The following DPP10 variants were observed in gnomAD, a reference collection of about 807,000 sequenced individuals.
The protein encoded by DPP10 is inactive dipeptidyl peptidase 10.
A neutral mutation model predicts 120.9 loss-of-function variants in DPP10; 33 were observed. The ratio of observed to expected loss-of-function variants is 0.27; its 90% CI spans 0.21 to 0.37. The LOEUF is 0.37. DPP10 is among the 10% of genes least tolerant of loss of function. DPP10 has a pLI of 1.00. For synonymous variants in DPP10, 337 were observed against 326.1 expected, an observed-to-expected ratio of 1.03 and a Z score of -0.36; for missense variants, 816 against 942.8, an observed-to-expected ratio of 0.87 and a Z score of 1.76.
intron 1 of DPP10, among the ~76,000 whole-genome samples, chr2:114,662,465 G>A (rs2105558770): frequency 6.6e-6 from 1 of 152,264 alleles, no homozygotes; most frequent in Non-Finnish European, 1.5e-5. Flanking sequence ...GGACCTCGGC[G>A]TGAGACTTCG....
At chr2:115,118,747 TTGTGTGTGTGTG>T (rs59183186) in intron 1 of DPP10, among the ~76,000 whole-genome samples, 31,479 of 140,390 alleles carry the variant, frequency 0.22, 3,634 homozygotes, top group East Asian at 0.31. Context: ...ACACAGCTAA[TTGTGTGTGTGTG>T]TGTGTGTGTG....
At chr2:115,792,808 AT>A (rs1684132119) in intron 19 of DPP10, among the ~76,000 whole-genome samples, 1 of 152,230 alleles carries the variant, frequency 6.6e-6, no homozygotes, top group South Asian at 2.1e-4. Flanking sequence ...TCACTGAAAA[AT>A]AAACTTTCTC....
At chr2:114,978,003 T>C (rs148874245) in intron 1 of DPP10, among the ~76,000 whole-genome samples, 1 of 152,214 alleles carries the variant, frequency 6.6e-6, no homozygotes, top group Non-Finnish European at 1.5e-5. Context: ...TAATGCAAAA[T>C]CATCTGATCT....
intron 1 of DPP10, among the ~76,000 whole-genome samples, chr2:114,625,883 T>G (rs1694471137): frequency 6.6e-6 from 1 of 151,914 alleles, no homozygotes; most frequent in Admixed American, 6.6e-5. Flanking sequence ...TGGGTTTCCT[T>G]TTAGTGGAAA....
intron 19 of DPP10, among the ~76,000 whole-genome samples, chr2:115,800,229 T>C (rs1171982901): frequency 6.6e-6 from 1 of 151,882 alleles, no homozygotes; most frequent in Non-Finnish European, 1.5e-5. Flanking sequence ...TGCATAAATG[T>C]CTTTTTTTGA....
At chr2:114,642,741 C>A (rs1431157663) in intron 1 of DPP10, among the ~76,000 whole-genome samples, 1 of 151,896 alleles carries the variant, frequency 6.6e-6, no homozygotes, top group South Asian at 2.1e-4. Context: ...TATCCCCTCC[C>A]TTTCAGAGTG....
At chr2:115,722,338 T>C (rs1039271736) in intron 7 of DPP10, among the ~76,000 whole-genome samples, 13 of 151,772 alleles carry the variant, frequency 8.6e-5, no homozygotes, top group African/African-American at 2.9e-4. Context: ...TGTACCCCAC[T>C]GTACCTCCTC....
At chr2:115,807,288 G>T (rs188431239) in intron 19 of DPP10, among the ~76,000 whole-genome samples, 5 of 152,202 alleles carry the variant, frequency 3.3e-5, no homozygotes, top group African/African-American at 1.2e-4. Context: ...TGTCCCTGAG[G>T]TCCTTTTCTA....
intron 3 of DPP10, among the ~76,000 whole-genome samples, chr2:115,435,810 A>G (rs1396825719): frequency 6.6e-6 from 1 of 151,882 alleles, no homozygotes; most frequent in Non-Finnish European, 1.5e-5. Context: ...TTCTTCTAGT[A>G]GTTTCATATG....
rs1194693816 is a variant in DPP10 at position 114,442,696 on chromosome 2, A to T, written c.-83A>T. 6.6e-7 allele frequency: 1 copy of T among 1,514,220 alleles called. No homozygotes were observed. 93.8% of individuals were successfully genotyped at this position (1,514,220 alleles called of 1,614,324 possible). A position where few individuals can be genotyped will look rare whatever the true frequency, so the allele number is the denominator to read the frequency against. ...GGCAGCAGCAACAGCAGCAGCCCCT[A>T]CTGAAGTCCAATAGAGGAGACTTGA... On this transcript the variant is annotated 5_prime_UTR_variant, in exon 1 of 26. Transcript: ENST00000410059.
intron 1 of DPP10, among the ~76,000 whole-genome samples, chr2:115,112,219 T>A (rs2049262117): frequency 6.6e-6 from 1 of 152,152 alleles, no homozygotes; most frequent in African/African-American, 2.4e-5. Context: ...TAAAATAATC[T>A]TTTCCTTTAT....
intron 5 of DPP10, among the ~76,000 whole-genome samples, chr2:115,617,347 A>G (rs2084597962): frequency 6.7e-6 from 1 of 148,154 alleles, no homozygotes; most frequent in Admixed American, 6.8e-5. Context: ...TGCTATGAAA[A>G]CATGTATACA....
At chr2:115,088,829 A>C (rs1708996357) in intron 1 of DPP10, among the ~76,000 whole-genome samples, 1 of 151,218 alleles carries the variant, frequency 6.6e-6, no homozygotes, top group Non-Finnish European at 1.5e-5. Context: ...ATGAATTTAT[A>C]TTAATTTTAT....
rs199678105 is a variant in DPP10, at chr2:114,639,962, A to AT, written c.60+197132dup. Among the ~76,000 whole-genome samples, 209 of 151,706 alleles carry AT rather than the reference A, an allele frequency of 1.4e-3. 4 individuals carry two copies. The highest frequency in any genetic ancestry group is 3.3e-3 in the African/African-American group (136 of 41,178). On this transcript the variant is annotated intron_variant, in intron 1 of 25. Coordinates refer to ENST00000410059, the MANE Select transcript of DPP10 (RefSeq NM_020868.6). Reference sequence around the variant, plus strand: ...CATCTAAGATACTAGATTTTCTTTGATTTTTTTTGTTCTTCACTGTTTCTA... The same window carrying AT: ...CATCTAAGATACTAGATTTTCTTTGATTTTTTTTTGTTCTTCACTGTTTCTA...
At chr2:114,542,438 G>A (rs1687035315) in intron 1 of DPP10, among the ~76,000 whole-genome samples, 1 of 152,198 alleles carries the variant, frequency 6.6e-6, no homozygotes. Flanking sequence ...GGCTGATTGA[G>A]TGGAACACTT....
intron 1 of DPP10, among the ~76,000 whole-genome samples, chr2:115,196,946 T>G (rs1020859104): frequency 2.0e-5 from 3 of 152,200 alleles, no homozygotes; most frequent in South Asian, 2.1e-4. Context: ...TATCAGAGAT[T>G]GCTAACATTG....
Position 115,791,328 on chromosome 2 carries a change from C to T in DPP10, c.1672C>T (p.Arg558Ter). The stretch of plus-strand genomic sequence containing the variant: ...GTCCCTTCCCAAAGATTTTATGGAC[C>T]GAAACCAGTATGCTCTTCTGTTAAT... ...QLSLPKDFMD[R>*]NQYALLLIMD... The change falls in exon 19 of 26, where the codon CGA becomes TGA. Residue 558 changes from arginine to a stop codon, truncating the protein, a stop_gained. Coordinates refer to ENST00000410059, the MANE Select transcript of DPP10 (RefSeq NM_020868.6). LOFTEE classifies it high-confidence loss of function. 1.2e-6 allele frequency: 2 copies of T among 1,611,072 alleles called. No homozygotes were observed. Among genetic ancestry groups the T allele is most frequent in the South Asian group, 2.2e-5 (2 of 90,164 alleles).
intron 3 of DPP10, among the ~76,000 whole-genome samples, chr2:115,413,293 G>A (rs534888571): frequency 2.6e-5 from 4 of 152,158 alleles, no homozygotes; most frequent in Admixed American, 2.0e-4. Context: ...TTCCTAAGGT[G>A]TTGAAACGTA....
intron 5 of DPP10, among the ~76,000 whole-genome samples, chr2:115,543,000 G>T (rs1201634922): frequency 6.6e-6 from 1 of 151,838 alleles, no homozygotes; most frequent in African/African-American, 2.4e-5. Flanking sequence ...TGTCAGTGTT[G>T]TCAAACCTTT....
Sources: gnomAD v4.1 joint callset for allele counts (sites outside exome capture counted in the v4.1 genomes callset) on GRCh38, gnomAD v4.1.1 for gene constraint, MANE v1.5 for transcripts, NCBI Gene and HGNC (gene_info 2026-07-23, HGNC 2026-07-21) for gene names.